The following ATP6AP1 variants were observed in gnomAD, a reference collection of about 807,000 sequenced individuals.
The protein encoded by ATP6AP1 is V-type proton ATPase subunit S1.
ATP6AP1 carries 1 observed loss-of-function variant against 32.0 expected under a neutral mutation model. That is an observed-to-expected ratio of 0.03 (90% CI 0.01 to 0.15). ATP6AP1 has a LOEUF of 0.15. Ranked by LOEUF, ATP6AP1 falls within the 10% of genes least tolerant of loss-of-function variation. The pLI, the probability that ATP6AP1 is intolerant of heterozygous loss-of-function variation, is 1.00. For synonymous variants in ATP6AP1, 187 were observed against 174.9 expected, an observed-to-expected ratio of 1.07 and a Z score of -0.55; for missense variants, 297 against 398.8, an observed-to-expected ratio of 0.74 and a Z score of 2.17.
intron 7 of ATP6AP1, 22 bp from the exon 8 acceptor site, chrX:154,435,117 G>A (rs367899064): frequency 2.7e-4 from 321 of 1,203,358 alleles, no homozygotes; most frequent in Non-Finnish European, 3.4e-4. Context: ...CTCACAGTGC[G>A]CCTCTTTCTC....
chrX:154,431,086 G>C, intron 2 of ATP6AP1: 1 of 111,006 alleles, frequency 9.0e-6, no homozygotes, highest in Non-Finnish European at 1.9e-5. Flanking sequence ...TGGGCTTTCC[G>C]ACTGAGAACC....
Position 154,435,286 on chromosome X carries a change from C to T in ATP6AP1, c.984C>T (p.Ala328=), listed in dbSNP as rs2148224855. Residue 328 remains alanine (A), a synonymous_variant, in exon 9 of 10, where the codon GCC becomes GCT. Coordinates refer to ENST00000369762, the MANE Select transcript of ATP6AP1 (RefSeq NM_001183.6). ...CCACCTTCCCCAGGTTCATTCTGGC[C>T]AACCGCCTCTACCCAGTGTCTGCCC... ...GTTVTFKFIL[A]NRLYPVSARH... is the part of the protein sequence containing the mutation. The T allele has an allele frequency of 8.3e-7, 1 of 1,211,696 alleles. No individual in the cohort carries two copies.
chrX:154,435,002 G>T, intron 7 of ATP6AP1, 137 bp from the exon 8 acceptor site: 1 of 666,887 alleles, frequency 1.5e-6, no homozygotes, highest in Non-Finnish European at 2.3e-6. Flanking sequence ...TATCTGTCAA[G>T]TGGGGACACT....
At chrX:154,429,258 A>C in intron 2 of ATP6AP1, 84 bp downstream of exon 2, 1 of 1,106,338 alleles carries the variant, frequency 9.0e-7, no homozygotes, top group Non-Finnish European at 1.2e-6. Context: ...CCCATTCCCC[A>C]AGGGAAGCTT....
intron 7 of ATP6AP1, 73 bp from the exon 8 acceptor site, chrX:154,435,066 A>G: frequency 8.9e-7 from 1 of 1,124,221 alleles, no homozygotes; most frequent in Non-Finnish European, 1.2e-6. Flanking sequence ...AGCAGAGCTG[A>G]GGAACTTGTT....
chrX:154,432,999 C>T (rs781796770), intron 5 of ATP6AP1, 28 bp downstream of exon 5: 3 of 1,203,355 alleles, frequency 2.5e-6, no homozygotes, highest in South Asian at 3.5e-5. Context: ...GGATGCACGT[C>T]CTCATCTAGC....
chrX:154,429,034 C>T lies in ATP6AP1; in HGVS notation c.162-14C>T. 4 of 1,210,668 alleles carry T rather than the reference C, an allele frequency of 3.3e-6. No homozygotes were observed. Among genetic ancestry groups the T allele is most frequent in the Non-Finnish European group, 4.5e-6 (4 of 894,801 alleles). ...GCGCCCCCGTCTGACAGCACCTCTTCTGTGCCCTGCCAGGGACTTGTGGGC... is the reference window on the plus strand; with the variant it reads ...GCGCCCCCGTCTGACAGCACCTCTTTTGTGCCCTGCCAGGGACTTGTGGGC... On this transcript the variant is annotated splice_polypyrimidine_tract_variant and intron_variant, in intron 1 of 9. Coordinates refer to ENST00000369762, the MANE Select transcript of ATP6AP1 (RefSeq NM_001183.6).
rs149506702 is a variant in ATP6AP1, at chrX:154,434,327, G to A, written c.804G>A (p.Leu268=). 5 of 1,210,181 alleles carry A rather than the reference G, an allele frequency of 4.1e-6. No homozygotes were observed. The African/African-American group carries it at 8.7e-5, about 21-fold the overall frequency. Residue 268 remains leucine (L), a synonymous_variant, in exon 7 of 10, where the codon CTG becomes CTA. Transcript: ENST00000369762. ...ACAATGACACCGCTCCCCGGATCCTGTTCTGGGCCCAAAACTTCTCTGTGG... is the reference window on the plus strand; with the variant it reads ...ACAATGACACCGCTCCCCGGATCCTATTCTGGGCCCAAAACTTCTCTGTGG... ...VSYNDTAPRI[L]FWAQNFSVAY...
At chrX:154,433,078 C>T in intron 5 of ATP6AP1, 107 bp downstream of exon 5, 1 of 973,276 alleles carries the variant, frequency 1.0e-6, no homozygotes, top group Non-Finnish European at 1.4e-6. Flanking sequence ...GGGTGGCCCG[C>T]CTGCTTCTCG....
At chrX:154,428,949 G>A (rs2068679604) in intron 1 of ATP6AP1, 96 bp downstream of exon 1, 1 of 1,154,126 alleles carries the variant, frequency 8.7e-7, no homozygotes, top group South Asian at 2.0e-5. Flanking sequence ...CCCGGAGGTG[G>A]ACTGTTCCTT....
intron 4 of ATP6AP1, 103 bp from the exon 5 acceptor site, chrX:154,432,828 T>C (rs1603384226): frequency 2.1e-6 from 2 of 971,260 alleles, no homozygotes; most frequent in African/African-American, 1.9e-5. Flanking sequence ...GCAGGCTTGG[T>C]GCGTGGGGCT....
chrX:154,435,854 A>G lies in ATP6AP1; in HGVS notation c.1376A>G (p.His459Arg). The change falls in exon 10 of 10, where the codon CAC (histidine) becomes CGC (arginine). Residue 459 changes from histidine (H) to arginine (R), a missense_variant. By Grantham distance (29) the His-to-Arg change is conservative. This residue lies in a region of ATP6AP1 where 155 missense variants were observed against 253.8 expected (regional missense o/e 0.61). Transcript: ENST00000369762. ...AAGACCATGGATCGCTTTGATGACC[A>G]CAAGGGCCCCACTATTTCTTTGACC... ...SLKTMDRFDD[H>R]KGPTISLTQI... The G allele has an allele frequency of 8.3e-7, 1 of 1,211,460 alleles. No homozygotes were observed.
chrX:154,429,404 G>A (rs2068682362), intron 2 of ATP6AP1: 2 of 407,679 alleles, frequency 4.9e-6, no homozygotes, highest in Non-Finnish European at 8.7e-6. Flanking sequence ...CAGAGGCCAG[G>A]TACCTACTGA....
rs1282464586 is a variant in ATP6AP1, at chrX:154,433,114, A to G, written c.598+143A>G. The G allele has an allele frequency of 1.7e-5, 12 of 722,749 alleles. No individual in the cohort carries two copies. In the East Asian group the frequency reaches 3.5e-4, roughly 21 times the overall value. The allele number at this position is 722,749 out of a possible 1,213,427, so 59.6% of individuals were successfully genotyped here. A position where few individuals can be genotyped will look rare whatever the true frequency, so the allele number is the denominator to read the frequency against. On this transcript the variant is annotated intron_variant, in intron 5 of 9. Transcript: ENST00000369762. ...GGGCAGCTGGCAGTGGAGCAGGGAA[A>G]TGCTGGCTCCCAGGACCAGCCAGGG...
Position 154,436,516 on chromosome X carries a change from C to G in ATP6AP1, c.*625C>G, listed in dbSNP as rs1341798734. On this transcript the variant is annotated 3_prime_UTR_variant, in exon 10 of 10. Coordinates refer to ENST00000369762, the MANE Select transcript of ATP6AP1 (RefSeq NM_001183.6). The stretch of plus-strand genomic sequence containing the variant: ...AATAAAATAAACGCGGGTCGCCATG[C>G]GTTGGGCCTCTTGTCGCTCATTTCT... The G allele has an allele frequency of 9.1e-6, 1 of 110,238 alleles. No homozygotes were observed. The highest frequency in any genetic ancestry group is 1.9e-5 in the Non-Finnish European group (1 of 52,882). 9.1% of individuals were successfully genotyped at this position (110,238 alleles called of 1,213,427 possible).
At chrX:154,431,928 G>T (rs782508007) in intron 3 of ATP6AP1, 24 bp downstream of exon 3, 46 of 1,193,048 alleles carry the variant, frequency 3.9e-5, no homozygotes, top group Non-Finnish European at 5.0e-5. Flanking sequence ...CCCAGCCAGG[G>T]GCCATGGGGG....
chrX:154,435,929 C>T lies in ATP6AP1; in HGVS notation c.*38C>T. On this transcript the variant is annotated 3_prime_UTR_variant, in exon 10 of 10. Transcript: ENST00000369762. Reference sequence around the variant, plus strand: ...GGGGGGGTTGAGGGTGGGACGGTGTCCGTGTTGTTGCTTTCCCACCCTGCA... The same window carrying T: ...GGGGGGGTTGAGGGTGGGACGGTGTTCGTGTTGTTGCTTTCCCACCCTGCA... 3 of 1,162,464 alleles carry T rather than the reference C, an allele frequency of 2.6e-6. No individual in the cohort carries two copies. Among genetic ancestry groups the T allele is most frequent in the Non-Finnish European group, 3.5e-6 (3 of 852,893 alleles).
chrX:154,435,618 C>G, intron 9 of ATP6AP1, 64 bp from the exon 10 acceptor site: 12 of 1,180,780 alleles, frequency 1.0e-5, no homozygotes, highest in Non-Finnish European at 1.4e-5. Context: ...CTGCGCTGCC[C>G]CTGTCCCAGT....
At chrX:154,432,592 G>A (rs2068699948) in intron 4 of ATP6AP1, 133 bp downstream of exon 4, 1 of 912,334 alleles carries the variant, frequency 1.1e-6, no homozygotes, top group Admixed American at 3.8e-5. Context: ...TCCAGAAGGT[G>A]CCCTGTGTGG....
Sources: gnomAD v4.1 joint callset for allele counts on GRCh38, gnomAD v4.1.1 for gene constraint, gnomAD v4.1.1 regional missense constraint, MANE v1.5 for transcripts, NCBI Gene and HGNC (gene_info 2026-07-23, HGNC 2026-07-21) for gene names.